The following KIAA1549 variants were observed in gnomAD, a reference collection of about 807,000 sequenced individuals.
KIAA1549 encodes the protein KIAA1549.
A neutral mutation model predicts 156.4 loss-of-function variants in KIAA1549; 70 were observed. The observed-to-expected ratio is 0.45, with a 90% confidence interval of 0.37 to 0.55. The LOEUF is 0.55. KIAA1549 is among the 20% of genes least tolerant of loss of function. The probability of loss-of-function intolerance (pLI) is 0.00; values close to 1 mark genes in which losing one functional copy is unlikely to be tolerated. For synonymous variants in KIAA1549, 1,103 were observed against 1,066.4 expected, an observed-to-expected ratio of 1.03 and a Z score of -0.67; for missense variants, 2,428 against 2,540.9, an observed-to-expected ratio of 0.96 and a Z score of 0.96.
chr7:138,842,342 G>A (rs530161979), intron 18 of KIAA1549, among the ~76,000 whole-genome samples: 9 of 152,196 alleles, frequency 5.9e-5, no homozygotes, highest in Admixed American at 1.3e-4. Flanking sequence ...CCTGAGCAAC[G>A]GGCTATGGCT....
Position 138,869,648 on chromosome 7 carries a change from C to T in KIAA1549, c.4665G>A (p.Ser1555=), listed in dbSNP as rs764659668. The change falls in exon 14 of 20, where the codon TCG becomes TCA. Residue 1555 remains serine, a synonymous_variant. Coordinates refer to ENST00000422774, the MANE Select transcript of KIAA1549 (RefSeq NM_001164665.2). ...YEFPVVDDLS[S]GDTKERHRVY... ...CCCGGTGTCGCTCCTTAGTGTCGCCCGAGGACAGGTCGTCTACCACCGGGA... is the reference window on the plus strand; with the variant it reads ...CCCGGTGTCGCTCCTTAGTGTCGCCTGAGGACAGGTCGTCTACCACCGGGA... 4.3e-6 allele frequency: 7 copies of T among 1,611,492 alleles called. No individual in the cohort carries two copies. The African/African-American group carries it at 5.3e-5, about 12-fold the overall frequency.
At chr7:138,866,619 G>A (rs1386520283) in intron 15 of KIAA1549, among the ~76,000 whole-genome samples, 1 of 152,206 alleles carries the variant, frequency 6.6e-6, no homozygotes, top group African/African-American at 2.4e-5. Flanking sequence ...GGAGTTAGCG[G>A]CACCTGGCTC....
chr7:138,900,584 A>T (rs1811813345), intron 8 of KIAA1549, among the ~76,000 whole-genome samples: 1 of 152,142 alleles, frequency 6.6e-6, no homozygotes, highest in Non-Finnish European at 1.5e-5. Flanking sequence ...GACCCCCTCC[A>T]ACTCTCTGGT....
chr7:138,863,195 G>C (rs73168935), intron 15 of KIAA1549, among the ~76,000 whole-genome samples: 23,805 of 151,394 alleles, frequency 0.16, 2,495 homozygotes, highest in Admixed American at 0.24. Flanking sequence ...AGAGAGAAAA[G>C]GTTCTGCCCG....
chr7:138,843,622 A>C (rs939125039), intron 18 of KIAA1549, among the ~76,000 whole-genome samples: 5 of 152,186 alleles, frequency 3.3e-5, no homozygotes, highest in African/African-American at 1.2e-4. Context: ...AACATGTATA[A>C]TTTCTATATT....
intron 9 of KIAA1549, among the ~76,000 whole-genome samples, chr7:138,895,971 A>T (rs1317127940): frequency 9.4e-6 from 1 of 105,898 alleles, no homozygotes. Context: ...TGCCACACCC[A>T]CCCCACCCGG....
chr7:138,964,203 A>C (rs1813945593), intron 1 of KIAA1549, among the ~76,000 whole-genome samples: 1 of 152,214 alleles, frequency 6.6e-6, no homozygotes, highest in Admixed American at 6.5e-5. Flanking sequence ...GCCAGGGGCC[A>C]CAGGTGGCTC....
rs1203364973 is a variant in KIAA1549 at position 138,836,415 on chromosome 7, T to C, written c.*1491A>G. ...CCATGTAGGTTGTGTAAGTACAATC[T>C]AGGATGTTGGCACAGCAACAAAACA... On this transcript the variant is annotated 3_prime_UTR_variant, in exon 20 of 20. Transcript: ENST00000422774. 1 of 214,676 alleles carries C rather than the reference T, an allele frequency of 4.7e-6. No homozygotes were observed. Among genetic ancestry groups the C allele is most frequent in the Non-Finnish European group, 9.4e-6 (1 of 106,370 alleles). The allele number at this position is 214,676 out of a possible 1,614,324, so 13.3% of individuals were successfully genotyped here.
chr7:138,873,792 G>A lies in KIAA1549; in HGVS notation c.4346-2430C>T, dbSNP rs114804547. ...CAGAGGAGGGGATGCACAAACCCTG[G>A]GCCACTCTACAGAGCTGAGGGACCA... On this transcript the variant is annotated intron_variant, in intron 12 of 19. Coordinates refer to ENST00000422774, the MANE Select transcript of KIAA1549 (RefSeq NM_001164665.2). 9.7e-3 allele frequency among the ~76,000 whole-genome samples: 1,463 copies of A among 151,424 alleles called. 25 individuals carry two copies. Among genetic ancestry groups the A allele is most frequent in the African/African-American group, 0.033 (1,377 of 41,242 alleles).
chr7:138,873,367 A>C (rs905049731), intron 12 of KIAA1549, among the ~76,000 whole-genome samples: 19 of 152,178 alleles, frequency 1.2e-4, no homozygotes, highest in Non-Finnish European at 8.8e-5. Context: ...CAATGGAAGC[A>C]CAGCCAGGCA....
intron 1 of KIAA1549, among the ~76,000 whole-genome samples, chr7:138,942,466 G>A (rs1278389190): frequency 3.3e-5 from 5 of 151,528 alleles, no homozygotes; most frequent in Admixed American, 1.3e-4. Context: ...CACCATGACC[G>A]CATGGGGATG....
chr7:138,867,233 C>T (rs1810772252), intron 15 of KIAA1549, among the ~76,000 whole-genome samples: 1 of 152,120 alleles, frequency 6.6e-6, no homozygotes, highest in African/African-American at 2.4e-5. Context: ...TTAGGAAACC[C>T]AGCCAGGCTA....
At chr7:138,905,192 A>G in intron 6 of KIAA1549, 111 bp from the exon 7 acceptor site, 1 of 750,290 alleles carries the variant, frequency 1.3e-6, no homozygotes, top group Non-Finnish European at 2.3e-6. Flanking sequence ...AATGTGAAAG[A>G]ACAAAATGTC....
rs529386061 is a variant in KIAA1549 at position 138,944,043 on chromosome 7, A to T, written c.188-24605T>A. The stretch of plus-strand genomic sequence containing the variant: ...CGCCCTCCCAAAGTGCTGGGATTAC[A>T]AGCTGGGATTACACTGAGCGGGCCT... On this transcript the variant is annotated intron_variant, in intron 1 of 19. Coordinates refer to ENST00000422774, the MANE Select transcript of KIAA1549 (RefSeq NM_001164665.2). Among the ~76,000 whole-genome samples the T allele has an allele frequency of 4.6e-5, 7 of 151,536 alleles. No homozygotes were observed. The South Asian group carries it at 1.3e-3, about 27-fold the overall frequency.
chr7:138,883,109 AAAAAAAAAT>A (rs1305305202), intron 10 of KIAA1549, among the ~76,000 whole-genome samples: 8,037 of 141,900 alleles, frequency 0.057, 659 homozygotes, highest in East Asian at 0.19. Flanking sequence ...AAAAAAAAAA[AAAAAAAAAT>A]TCAGCCAGAC....
chr7:138,975,420 C>T (rs1347177760), intron 1 of KIAA1549, among the ~76,000 whole-genome samples: 1 of 147,618 alleles, frequency 6.8e-6, no homozygotes, highest in Non-Finnish European at 1.5e-5. Context: ...AACAACCTAA[C>T]AGAAAAAGGA....
intron 16 of KIAA1549, among the ~76,000 whole-genome samples, chr7:138,860,877 C>T (rs1489490257): frequency 1.3e-5 from 2 of 152,190 alleles, no homozygotes; most frequent in African/African-American, 4.8e-5. Context: ...AATCCCCCTC[C>T]GTTCCTCCAC....
At chr7:138,908,095 G>A (rs1039176143) in intron 5 of KIAA1549, among the ~76,000 whole-genome samples, 3 of 152,106 alleles carry the variant, frequency 2.0e-5, no homozygotes, top group Non-Finnish European at 4.4e-5. Flanking sequence ...CACAGCTCAA[G>A]GGGAAAGCTG....
intron 1 of KIAA1549, among the ~76,000 whole-genome samples, chr7:138,942,553 A>G (rs1478817505): frequency 6.6e-6 from 1 of 151,770 alleles, no homozygotes; most frequent in East Asian, 1.9e-4. Context: ...GAAGTTGGGA[A>G]CTGTCCCAGG....
Sources: allele counts gnomAD v4.1 joint callset (sites outside exome capture counted in the v4.1 genomes callset), GRCh38; gene constraint gnomAD v4.1.1; transcripts MANE v1.5; gene names NCBI Gene and HGNC (gene_info 2026-07-23, HGNC 2026-07-21).